The following SLC25A15 variants were observed in gnomAD, a reference collection of about 807,000 sequenced individuals.
SLC25A15 encodes the protein mitochondrial ornithine transporter 1.
SLC25A15 carries 24 observed loss-of-function variants against 32.3 expected under a neutral mutation model. That is an observed-to-expected ratio of 0.74 (90% CI 0.54 to 1.04). The LOEUF is 1.04. SLC25A15 is among the 50% of genes least tolerant of loss of function. The pLI is 0.00. For synonymous variants in SLC25A15, 132 were observed against 142.1 expected (o/e 0.93, Z 0.51); for missense variants, 317 against 374.5 (o/e 0.85, Z 1.27).
intron 3 of SLC25A15, 52 bp from the exon 4 acceptor site, chr13:40,805,066 T>C: frequency 6.2e-7 from 1 of 1,611,548 alleles, no homozygotes; most frequent in Non-Finnish European, 8.5e-7. Context: ...GTGTGGTGAG[T>C]GCCAAAGGAA....
chr13:40,799,417 A>G (rs1881796873), intron 3 of SLC25A15, 102 bp downstream of exon 3: 1 of 1,476,756 alleles, frequency 6.8e-7, no homozygotes, highest in Non-Finnish European at 9.3e-7. Flanking sequence ...TTGGGAGGCA[A>G]AGGCAGGAAA....
chr13:40,810,713 C>A lies in SLC25A15; in HGVS notation c.*1046C>A. 1.9e-6 allele frequency: 1 copy of A among 533,332 alleles called. No homozygotes were observed. The allele number at this position is 533,332 out of a possible 1,614,324, so 33.0% of individuals were successfully genotyped here. A position where few individuals can be genotyped will look rare whatever the true frequency, so the allele number is the denominator to read the frequency against. On this transcript the variant is annotated 3_prime_UTR_variant, in exon 7 of 7. Transcript: ENST00000338625. ...AGAGGGTCAGGCCTTTGGGAAATAG[C>A]ATGGCCTTTACCAGCTTCCCTTCTC...
intron 2 of SLC25A15, among the ~76,000 whole-genome samples, chr13:40,795,662 G>A (rs1046550181): frequency 2.6e-5 from 4 of 152,102 alleles, no homozygotes; most frequent in African/African-American, 9.7e-5. Context: ...ATAGGGAGGG[G>A]GAGCGAGACA....
At chr13:40,804,354 A>G (rs987586755) in intron 3 of SLC25A15, among the ~76,000 whole-genome samples, 1 of 152,124 alleles carries the variant, frequency 6.6e-6, no homozygotes, top group Admixed American at 6.5e-5. Flanking sequence ...TAATCAAAAG[A>G]ATATGGTTGT....
intron 1 of SLC25A15, among the ~76,000 whole-genome samples, chr13:40,792,185 C>T (rs1458643882): frequency 3.3e-5 from 5 of 152,196 alleles, no homozygotes; most frequent in Non-Finnish European, 5.9e-5. Context: ...GCCCAAGGCT[C>T]CAACCAAAAC....
At chr13:40,799,880 G>A (rs144101612) in intron 3 of SLC25A15, among the ~76,000 whole-genome samples, 7 of 152,322 alleles carry the variant, frequency 4.6e-5, no homozygotes, top group African/African-American at 1.7e-4. Flanking sequence ...AGGAGTTTTA[G>A]GAAGGGTCGG....
In SLC25A15 at chr13:40,804,839, G is replaced by A. The variant is rs145956484; in HGVS notation, c.315-279G>A. 7.7e-3 allele frequency among the ~76,000 whole-genome samples: 1,175 copies of A among 151,878 alleles called. 17 individuals are homozygous for A. The highest frequency in any genetic ancestry group is 0.027 in the African/African-American group (1,099 of 41,426). On this transcript the variant is annotated intron_variant, in intron 3 of 6. Coordinates refer to ENST00000338625, the MANE Select transcript of SLC25A15 (RefSeq NM_014252.4). The stretch of plus-strand genomic sequence containing the variant: ...TGCTGGGATTACAGTTGTGAGCCAC[G>A]GCGCCCGGCCCTTTCATCATTTTTT...
At chr13:40,801,723 A>T (rs1238782054) in intron 3 of SLC25A15, among the ~76,000 whole-genome samples, 2 of 152,246 alleles carry the variant, frequency 1.3e-5, no homozygotes, top group Non-Finnish European at 2.9e-5. Flanking sequence ...AACATGACCC[A>T]GAATGTTCTA....
chr13:40,790,637 G>T (rs1881445974), intron 1 of SLC25A15, among the ~76,000 whole-genome samples: 1 of 152,186 alleles, frequency 6.6e-6, no homozygotes, highest in Admixed American at 6.5e-5. Context: ...GCCCAGGCTG[G>T]AGTGCAATGG....
intron 1 of SLC25A15, among the ~76,000 whole-genome samples, chr13:40,791,224 T>G (rs903053099): frequency 6.6e-6 from 1 of 152,078 alleles, no homozygotes; most frequent in African/African-American, 2.4e-5. Context: ...CTGACAGTTG[T>G]GTGGCCTTGG....
intron 6 of SLC25A15, among the ~76,000 whole-genome samples, chr13:40,809,016 T>C (rs1266762227): frequency 6.6e-6 from 1 of 151,646 alleles, no homozygotes; most frequent in Non-Finnish European, 1.5e-5. Flanking sequence ...AGAAACTTTG[T>C]GTCCCAAATA....
At chr13:40,792,850 C>G (rs1881558668) in intron 1 of SLC25A15, among the ~76,000 whole-genome samples, 1 of 152,212 alleles carries the variant, frequency 6.6e-6, no homozygotes, top group African/African-American at 2.4e-5. Context: ...TCTAAAAAAA[C>G]AAGTCTGATG....
chr13:40,796,333 C>G (rs1333308099), intron 2 of SLC25A15, among the ~76,000 whole-genome samples: 1 of 152,092 alleles, frequency 6.6e-6, no homozygotes, highest in Admixed American at 6.5e-5. Context: ...CATCTAGATC[C>G]CTAAACAGCT....
At position 40,808,450 on chromosome 13, in the gene SLC25A15, T is replaced by C; in HGVS notation, c.635T>C (p.Leu212Ser). ...RSKDELGPVP[L>S]MLSGGVGGIC... ...TTTTTTTCTCTAGGCCCTGTACCTT[T>C]GATGTTAAGTGGTGGAGTTGGTGGG... The change falls in exon 6 of 7, where the codon TTG (leucine) becomes TCG (serine). Residue 212 changes from leucine to serine, a missense_variant. Transcript: ENST00000338625. The C allele has an allele frequency of 6.2e-7, 1 of 1,613,642 alleles. No homozygotes were observed. Among genetic ancestry groups the C allele is most frequent in the Non-Finnish European group, 8.5e-7 (1 of 1,179,964 alleles).
chr13:40,798,515 C>G (rs1881747686), intron 2 of SLC25A15: 1 of 152,378 alleles, frequency 6.6e-6, no homozygotes, highest in Non-Finnish European at 1.5e-5. Context: ...CGGGTCTGAT[C>G]AGTCCCACTG....
In SLC25A15 at chr13:40,811,132, C is replaced by G. The variant is rs1424897378; in HGVS notation, c.*1465C>G. On this transcript the variant is annotated 3_prime_UTR_variant, in exon 7 of 7. Coordinates refer to ENST00000338625, the MANE Select transcript of SLC25A15 (RefSeq NM_014252.4). ...TGGAGGCTTCTACATTTGGTACTTG[C>G]AGTCAGTAAGTCTTAATGATGACTG... Among the ~76,000 whole-genome samples the G allele has an allele frequency of 1.3e-5, 2 of 152,208 alleles. No individual in the cohort carries two copies. The highest frequency in any genetic ancestry group is 2.4e-5 in the African/African-American group (1 of 41,458).
rs1211579349 is a variant in SLC25A15, at chr13:40,793,150, C to T, written c.-69-8C>T. On this transcript the variant is annotated splice_region_variant and splice_polypyrimidine_tract_variant and intron_variant, in intron 1 of 6. Transcript: ENST00000338625. ...TTGGACTAATGGTGAACTCTTGCCT[C>T]CCCCCAGGGATATGTGGTGCCTGTC... 4 of 1,454,814 alleles carry T rather than the reference C, an allele frequency of 2.7e-6. No individual in the cohort carries two copies. The highest frequency in any genetic ancestry group is 3.9e-6 in the Non-Finnish European group (4 of 1,038,708). The allele number at this position is 1,454,814 out of a possible 1,614,324, so 90.1% of individuals were successfully genotyped here.
chr13:40,795,374 C>G (rs577882882), intron 2 of SLC25A15, among the ~76,000 whole-genome samples: 24 of 152,334 alleles, frequency 1.6e-4, no homozygotes, highest in Non-Finnish European at 2.9e-4. Flanking sequence ...TATTTATGTG[C>G]ATACAGGTAT....
chr13:40,793,339 G>A (rs1881575643), intron 2 of SLC25A15, 58 bp downstream of exon 2: 1 of 1,427,920 alleles, frequency 7.0e-7, no homozygotes. Context: ...GTATCTGATG[G>A]TGGTCCCATG....
Sources: gnomAD v4.1 joint callset for allele counts (sites outside exome capture counted in the v4.1 genomes callset) on GRCh38, gnomAD v4.1.1 for gene constraint, MANE v1.5 for transcripts, NCBI Gene and HGNC (gene_info 2026-07-23, HGNC 2026-07-21) for gene names.